The following BIN1 variants were observed in gnomAD, a reference collection of about 807,000 sequenced individuals.
BIN1 encodes bridging integrator 1.
A neutral mutation model predicts 82.0 loss-of-function variants in BIN1; 53 were observed. That is an observed-to-expected ratio of 0.65 (90% CI 0.52 to 0.81). The LOEUF is 0.81. Among genes scored for constraint, BIN1 ranks in the 40% least tolerant of loss-of-function variants. The pLI, the probability that BIN1 is intolerant of heterozygous loss-of-function variation, is 0.00. For missense variants in BIN1, 642 were observed against 784.4 expected (o/e 0.82, Z 2.17); for synonymous variants, 302 against 328.0 (o/e 0.92, Z 0.86).
At chr2:127,083,077 T>C (rs1375256792) in intron 1 of BIN1, among the ~76,000 whole-genome samples, 3 of 142,976 alleles carry the variant, frequency 2.1e-5, no homozygotes, top group Non-Finnish European at 4.8e-5. Flanking sequence ...TTTGCTTTTT[T>C]CTTTTTTTTT....
At chr2:127,056,964 T>G (rs13404700) in intron 12 of BIN1, among the ~76,000 whole-genome samples, 4 of 152,194 alleles carry the variant, frequency 2.6e-5, no homozygotes, top group Non-Finnish European at 4.4e-5. Context: ...CCCCCCTGGG[T>G]GGCTCCCTGC....
In BIN1 at chr2:127,067,737, C is replaced by T. The variant is rs111824567; in HGVS notation, c.612+426G>A. On this transcript the variant is annotated intron_variant, in intron 7 of 18. Coordinates refer to ENST00000316724, the MANE Select transcript of BIN1 (RefSeq NM_139343.3). This position sits in a 1 kb window ranked among gnomAD's most constrained non-coding sequence, Gnocchi z 4.7. ...GGCTGTGATGTGCCTCTCTGGGCAG[C>T]TTTCTCTGCTCAGTAAATTCAAGAT... 3.9e-5 allele frequency among the ~76,000 whole-genome samples: 6 copies of T among 152,192 alleles called. No individual in the cohort carries two copies. The highest frequency in any genetic ancestry group is 1.4e-4 in the African/African-American group (6 of 41,446).
chr2:127,063,213 A>G (rs778020292), intron 9 of BIN1, among the ~76,000 whole-genome samples: 8 of 152,242 alleles, frequency 5.3e-5, no homozygotes, highest in Non-Finnish European at 8.8e-5. Context: ...AGAAAATGCT[A>G]GTAATTTTTT....
chr2:127,107,106 A>G lies in BIN1; in HGVS notation c.-163T>C, dbSNP rs560690864. On this transcript the variant is annotated 5_prime_UTR_variant, in exon 1 of 19. Transcript: ENST00000316724. This position sits in a 1 kb window ranked among gnomAD's most constrained non-coding sequence, Gnocchi z 5.9. Reference sequence around the variant, plus strand: ...CTGACGGAGGCGGAGCGTGCGCCGGACGGGCGAGCGAGCCAGCGAGCTAGC... The same window carrying G: ...CTGACGGAGGCGGAGCGTGCGCCGGGCGGGCGAGCGAGCCAGCGAGCTAGC... 4.5e-5 allele frequency: 33 copies of G among 734,284 alleles called. No individual in the cohort carries two copies. The highest frequency in any genetic ancestry group is 7.8e-4 in the Middle Eastern group (2 of 2,574). The allele number at this position is 734,284 out of a possible 1,614,324, so 45.5% of individuals were successfully genotyped here. A position where few individuals can be genotyped will look rare whatever the true frequency, so the allele number is the denominator to read the frequency against.
intron 1 of BIN1, among the ~76,000 whole-genome samples, chr2:127,083,281 T>C (rs374717139): frequency 3.9e-5 from 6 of 152,186 alleles, no homozygotes; most frequent in African/African-American, 1.4e-4. Flanking sequence ...GGCCTCGCTA[T>C]GTTGCCCAGT....
chr2:127,052,246 G>A lies in BIN1; in HGVS notation c.1371+9C>T, dbSNP rs1474109131. On this transcript the variant is annotated intron_variant, in intron 15 of 18. Transcript: ENST00000316724. ...ACAAGCCAGACAGGGGCTGGAGGTG[G>A]GCACTTACTTGGGCAGGCCCCGGCT... The A allele has an allele frequency of 6.4e-7, 1 of 1,565,132 alleles. No homozygotes were observed. Among genetic ancestry groups the A allele is most frequent in the South Asian group, 1.2e-5 (1 of 85,028 alleles).
Position 127,057,331 on chromosome 2 carries a change from G to A in BIN1, c.1131+142C>T. 8.5e-7 allele frequency: 1 copy of A among 1,179,330 alleles called. No homozygotes were observed. The highest frequency in any genetic ancestry group is 2.7e-5 in the East Asian group (1 of 36,456). 73.1% of individuals were successfully genotyped at this position (1,179,330 alleles called of 1,614,324 possible). On this transcript the variant is annotated intron_variant, in intron 12 of 18. Coordinates refer to ENST00000316724, the MANE Select transcript of BIN1 (RefSeq NM_139343.3). This position sits in a 1 kb window ranked among gnomAD's most constrained non-coding sequence, Gnocchi z 5.0. ...GATGATGGAGGATGATGGATGGAGG[G>A]AACAAAGGGTGAGAGAGGGAAACTG...
rs770470527 is a variant in BIN1, at chr2:127,052,220, G to A, written c.1371+35C>T. ...CCATGCTGCACCCCTAGAGACTGGG[G>A]ACAAGCCAGACAGGGGCTGGAGGTG... On this transcript the variant is annotated intron_variant, in intron 15 of 18. Coordinates refer to ENST00000316724, the MANE Select transcript of BIN1 (RefSeq NM_139343.3). The A allele has an allele frequency of 4.5e-6, 7 of 1,545,620 alleles. No homozygotes were observed. In the South Asian group the frequency reaches 8.3e-5, roughly 18 times the overall value.
Position 127,070,017 on chromosome 2 carries a change from A to T in BIN1, c.389T>A (p.Leu130Gln), listed in dbSNP as rs1392736794. ...CACCTTGATGTCGGGGAACTGGCCC[A>T]GGTACGTGTCCATGGTCAGCAGCGC... Reference protein sequence around the residue: ...DQALLTMDTYLGQFPDIKSRI... With the variant: ...DQALLTMDTYQGQFPDIKSRI... Residue 130 changes from leucine to glutamine, a missense_variant, in exon 5 of 19, where the codon CTG becomes CAG. Leu to Gln is a moderately radical substitution (Grantham distance 113). Coordinates refer to ENST00000316724, the MANE Select transcript of BIN1 (RefSeq NM_139343.3). 2.5e-6 allele frequency: 4 copies of T among 1,613,958 alleles called. No individual in the cohort carries two copies. The highest frequency in any genetic ancestry group is 3.4e-6 in the Non-Finnish European group (4 of 1,179,980).
Position 127,098,124 on chromosome 2 carries a change from C to T in BIN1, c.84+8736G>A, listed in dbSNP as rs528258323. Among the ~76,000 whole-genome samples, 5 of 152,318 alleles carry T rather than the reference C, an allele frequency of 3.3e-5. No homozygotes were observed. In the East Asian group the frequency reaches 7.7e-4, roughly 23 times the overall value. Reference sequence around the variant, plus strand: ...ACTTAGGGTGTAAATGCGAAGCCATCGCTGCCTCTACCCAGGTGATCTGCA... The same window carrying T: ...ACTTAGGGTGTAAATGCGAAGCCATTGCTGCCTCTACCCAGGTGATCTGCA... On this transcript the variant is annotated intron_variant, in intron 1 of 18. Coordinates refer to ENST00000316724, the MANE Select transcript of BIN1 (RefSeq NM_139343.3).
At chr2:127,065,369 A>G (rs1373375969) in intron 7 of BIN1, among the ~76,000 whole-genome samples, 2 of 151,996 alleles carry the variant, frequency 1.3e-5, no homozygotes, top group Non-Finnish European at 2.9e-5. Context: ...GACCCTGGGC[A>G]CCCCACACCA....
intron 1 of BIN1, among the ~76,000 whole-genome samples, chr2:127,077,048 G>A (rs1265426150): frequency 1.3e-5 from 2 of 152,118 alleles, no homozygotes; most frequent in East Asian, 1.9e-4. Flanking sequence ...TGGGTGCTCC[G>A]CCCCCACCCT....
rs748632454 is a variant in BIN1 at position 127,067,239 on chromosome 2, G to A, written c.612+924C>T. The stretch of plus-strand genomic sequence containing the variant: ...CAACCTCCGGGGCCGGGCCCCTATC[G>A]CCAGCCTCTCGGGAATATGGAGAAG... On this transcript the variant is annotated intron_variant, in intron 7 of 18. Transcript: ENST00000316724. The surrounding 1 kb of genome is among the most constrained non-coding windows in gnomAD (Gnocchi z 4.7). Among the ~76,000 whole-genome samples the A allele has an allele frequency of 2.0e-5, 3 of 152,070 alleles. No homozygotes were observed. The highest frequency in any genetic ancestry group is 4.4e-5 in the Non-Finnish European group (3 of 68,002).
In BIN1 at chr2:127,082,432, A is replaced by G. The variant is rs560475985; in HGVS notation, c.85-5726T>C. On this transcript the variant is annotated intron_variant, in intron 1 of 18. Coordinates refer to ENST00000316724, the MANE Select transcript of BIN1 (RefSeq NM_139343.3). The surrounding 1 kb of genome is among the most constrained non-coding windows in gnomAD (Gnocchi z 6.1). ...GCACTCAGCTGGGGATACCAGGGAC[A>G]TCGCAGGACAAGTCTGCACCGAGAC... Among the ~76,000 whole-genome samples, 2 of 152,082 alleles carry G rather than the reference A, an allele frequency of 1.3e-5. No individual in the cohort carries two copies. The highest frequency in any genetic ancestry group is 2.9e-5 in the Non-Finnish European group (2 of 67,998).
chr2:127,067,210 AAC>A lies in BIN1; in HGVS notation c.612+951_612+952del. On this transcript the variant is annotated intron_variant, in intron 7 of 18. Transcript: ENST00000316724. This position sits in a 1 kb window ranked among gnomAD's most constrained non-coding sequence, Gnocchi z 4.7. ...AAAATGGGGCAGCTGCCCAGAGAGA[AAC>A]CCAACCTCCGGGGCCGGGCCCCTAT... Among the ~76,000 whole-genome samples the A allele has an allele frequency of 6.6e-6, 1 of 152,276 alleles. No homozygotes were observed. The highest frequency in any genetic ancestry group is 2.1e-4 in the South Asian group (1 of 4,812).
rs540291660 is a variant in BIN1, at chr2:127,072,595, A to G, written c.166-1779T>C. Among the ~76,000 whole-genome samples the G allele has an allele frequency of 7.0e-4, 105 of 150,830 alleles. 1 individual carries two copies. The South Asian group carries it at 0.022, about 32-fold the overall frequency. ...GGGGAGCTTCAGAGCAGCACATAAG[A>G]TGTATAATTTAAAGAGAGCATGTGT... On this transcript the variant is annotated intron_variant, in intron 2 of 18. Transcript: ENST00000316724.
rs1685452599 is a variant in BIN1 at position 127,068,532 on chromosome 2, T to A, written c.520-277A>T. Among the ~76,000 whole-genome samples the A allele has an allele frequency of 6.6e-6, 1 of 152,104 alleles. No homozygotes were observed. The highest frequency in any genetic ancestry group is 1.5e-5 in the Non-Finnish European group (1 of 68,006). ...CGGAGGACGGGGCCACCCCAGCCCCTCACCAAAGGATGAGTGGGGCCAGCT... is the reference window on the plus strand; with the variant it reads ...CGGAGGACGGGGCCACCCCAGCCCCACACCAAAGGATGAGTGGGGCCAGCT... On this transcript the variant is annotated intron_variant, in intron 6 of 18. Transcript: ENST00000316724. The surrounding 1 kb of genome is among the most constrained non-coding windows in gnomAD (Gnocchi z 4.9).
rs199551366 is a variant in BIN1 at position 127,059,093 on chromosome 2, G to C, written c.920C>G (p.Thr307Ser). 38 of 1,593,754 alleles carry C rather than the reference G, an allele frequency of 2.4e-5. No homozygotes were observed. The highest frequency in any genetic ancestry group is 3.2e-5 in the Non-Finnish European group (37 of 1,171,260). The stretch of plus-strand genomic sequence containing the variant: ...CTCGTGGTTGACTCTGATCTCGGGG[G>C]TGGCGGCAGGGGAGCCATCTGGAGG... ...PSPPDGSPAA[T>S]PEIRVNHEPE... Residue 307 changes from threonine to serine, a missense_variant, in exon 11 of 19, where the codon ACC becomes AGC. Thr to Ser is a moderately conservative substitution (Grantham distance 58). Coordinates refer to ENST00000316724, the MANE Select transcript of BIN1 (RefSeq NM_139343.3). The surrounding 1 kb of genome is among the most constrained non-coding windows in gnomAD (Gnocchi z 6.7).
chr2:127,092,211 C>T (rs1679029349), intron 1 of BIN1, among the ~76,000 whole-genome samples: 1 of 152,194 alleles, frequency 6.6e-6, no homozygotes, highest in African/African-American at 2.4e-5. Context: ...CCCCCTAACC[C>T]TGCCCGTCCT....
Sources: gnomAD v4.1 joint callset for allele counts (sites outside exome capture counted in the v4.1 genomes callset) on GRCh38, gnomAD v4.1.1 for gene constraint, Gnocchi (gnomAD v3.1) non-coding constraint, MANE v1.5 for transcripts, NCBI Gene and HGNC (gene_info 2026-07-23, HGNC 2026-07-21) for gene names.